Variants in ZNF804B observed in about 807,000 individuals in gnomAD.
ZNF804B encodes zinc finger 804B.
A neutral mutation model predicts 101.4 loss-of-function variants in ZNF804B; 80 were observed. That is an observed-to-expected ratio of 0.79 (90% confidence interval 0.66 to 0.95). ZNF804B has a LOEUF of 0.95. ZNF804B is among the 40% of genes least tolerant of loss of function. ZNF804B has a pLI of 0.00. For synonymous variants in ZNF804B, 622 were observed against 558.8 expected (o/e 1.11, Z -1.59); for missense variants, 1,673 against 1,561.9 (o/e 1.07, Z -1.20).
intron 1 of ZNF804B, chr7:88,794,692 G>A (rs951730160): frequency 1.2e-6 from 2 of 1,613,584 alleles, no homozygotes; most frequent in African/African-American, 2.7e-5. Flanking sequence ...TCCTGTCACT[G>A]CTTCTCCTAG....
chr7:88,879,731 T>C (rs1583994189), intron 1 of ZNF804B, among the ~76,000 whole-genome samples: 1 of 151,886 alleles, frequency 6.6e-6, no homozygotes, highest in Non-Finnish European at 1.5e-5. Context: ...AAGTCTAAAG[T>C]GTAGGTAGAG....
intron 1 of ZNF804B, among the ~76,000 whole-genome samples, chr7:89,109,171 A>T (rs1426099195): frequency 6.6e-6 from 1 of 152,168 alleles, no homozygotes; most frequent in Non-Finnish European, 1.5e-5. Context: ...ATCATGGCAA[A>T]TGATTTGACA....
chr7:88,825,448 C>T (rs1791038943), intron 1 of ZNF804B, among the ~76,000 whole-genome samples: 1 of 151,984 alleles, frequency 6.6e-6, no homozygotes, highest in African/African-American at 2.4e-5. Context: ...CTCTGAGACC[C>T]CAGCAGCACT....
At chr7:88,801,303 G>A (rs13235713) in intron 1 of ZNF804B, among the ~76,000 whole-genome samples, 14,964 of 142,180 alleles carry the variant, frequency 0.11, 1,175 homozygotes, top group East Asian at 0.32. Context: ...GAGGAGAGGG[G>A]AAAAAAAAAA....
chr7:89,065,184 C>G (rs1789440716), intron 1 of ZNF804B, among the ~76,000 whole-genome samples: 1 of 152,152 alleles, frequency 6.6e-6, no homozygotes, highest in Admixed American at 6.5e-5. Context: ...AAGTAAACTA[C>G]AGAGCATGAG....
intron 2 of ZNF804B, among the ~76,000 whole-genome samples, chr7:89,315,152 G>C (rs1790706017): frequency 6.6e-6 from 1 of 152,090 alleles, no homozygotes. Flanking sequence ...GTGAGAGCGA[G>C]AGCAAGGCGG....
chr7:88,881,276 A>G (rs1008518021), intron 1 of ZNF804B, among the ~76,000 whole-genome samples: 5 of 152,160 alleles, frequency 3.3e-5, no homozygotes, highest in African/African-American at 1.2e-4. Flanking sequence ...ATTGAAACCT[A>G]GATCTCTGAA....
At chr7:89,156,066 T>TTCTTTCTTTCTTTCTTTCTTTCTC (rs1554371377) in intron 1 of ZNF804B, among the ~76,000 whole-genome samples, 18 of 66,534 alleles carry the variant, frequency 2.7e-4, no homozygotes, top group African/African-American at 8.3e-4. Flanking sequence ...CTTTCTTTCT[T>TTCTTTCTTTCTTTCTTTCTTTCTC]TCTTTCTCTC....
rs570978986 is a variant in ZNF804B, at chr7:89,235,397, G to A, written c.249+17102G>A. ...AGTAAACGAAAAGAGAACTTCACACGAAGTAATGGTGGGACACAATGGTCC... is the reference window on the plus strand; with the variant it reads ...AGTAAACGAAAAGAGAACTTCACACAAAGTAATGGTGGGACACAATGGTCC... On this transcript the variant is annotated intron_variant, in intron 2 of 3. Coordinates refer to ENST00000333190, the MANE Select transcript of ZNF804B (RefSeq NM_181646.5). 3.9e-5 allele frequency among the ~76,000 whole-genome samples: 6 copies of A among 152,208 alleles called. No homozygotes were observed. In the South Asian group the frequency reaches 1.0e-3, roughly 26 times the overall value.
chr7:89,294,212 A>G (rs1790344626), intron 2 of ZNF804B, among the ~76,000 whole-genome samples: 1 of 152,188 alleles, frequency 6.6e-6, no homozygotes, highest in Admixed American at 6.5e-5. Flanking sequence ...ACCTTATCAG[A>G]TTTCTGCATT....
intron 1 of ZNF804B, among the ~76,000 whole-genome samples, chr7:89,179,931 A>C (rs1788271262): frequency 6.6e-6 from 1 of 152,268 alleles, no homozygotes; most frequent in East Asian, 1.9e-4. Flanking sequence ...CATCTTGGCT[A>C]CTATCCTGGA....
At chr7:89,226,777 C>T (rs1367544671) in intron 2 of ZNF804B, among the ~76,000 whole-genome samples, 1 of 152,074 alleles carries the variant, frequency 6.6e-6, no homozygotes, top group Non-Finnish European at 1.5e-5. Flanking sequence ...TCATAACATA[C>T]TATGATGACT....
chr7:89,076,895 G>T (rs1462061063), intron 1 of ZNF804B, among the ~76,000 whole-genome samples: 1 of 152,156 alleles, frequency 6.6e-6, no homozygotes, highest in Non-Finnish European at 1.5e-5. Flanking sequence ...CACTGCTGGG[G>T]GAATGAACCT....
chr7:89,051,186 A>T (rs1194158441), intron 1 of ZNF804B, among the ~76,000 whole-genome samples: 3 of 152,042 alleles, frequency 2.0e-5, no homozygotes, highest in African/African-American at 7.2e-5. Context: ...GCCTGTGTGT[A>T]GGTGTGTGTG....
At chr7:89,303,696 A>C (rs780726131) in intron 2 of ZNF804B, among the ~76,000 whole-genome samples, 2 of 151,940 alleles carry the variant, frequency 1.3e-5, no homozygotes, top group Non-Finnish European at 2.9e-5. Context: ...CTTACAATTC[A>C]TGTGGGCTAT....
At chr7:89,116,496 G>A (rs991270345) in intron 1 of ZNF804B, among the ~76,000 whole-genome samples, 7 of 152,166 alleles carry the variant, frequency 4.6e-5, no homozygotes, top group Non-Finnish European at 8.8e-5. Context: ...AACCCTGTGA[G>A]AAAGTAACTA....
intron 1 of ZNF804B, among the ~76,000 whole-genome samples, chr7:88,991,929 C>CA (rs1793853588): frequency 6.6e-6 from 1 of 152,092 alleles, no homozygotes; most frequent in Non-Finnish European, 1.5e-5. Context: ...TAAAATGAGG[C>CA]AAAAAATTAC....
chr7:89,065,774 T>G (rs1430219653), intron 1 of ZNF804B, among the ~76,000 whole-genome samples: 1 of 152,076 alleles, frequency 6.6e-6, no homozygotes, highest in Non-Finnish European at 1.5e-5. Flanking sequence ...AACTCCTTCT[T>G]CACATCATCT....
intron 2 of ZNF804B, among the ~76,000 whole-genome samples, chr7:89,276,296 A>C (rs1789979260): frequency 6.6e-6 from 1 of 151,878 alleles, no homozygotes; most frequent in Non-Finnish European, 1.5e-5. Context: ...ACAAACCTGC[A>C]CATCCTGCAC....
Sources: gnomAD v4.1 joint callset for allele counts (sites outside exome capture counted in the v4.1 genomes callset) on GRCh38, gnomAD v4.1.1 for gene constraint, MANE v1.5 for transcripts, NCBI Gene and HGNC (gene_info 2026-07-23, HGNC 2026-07-21) for gene names.